Variants in SKOR2 observed in about 807,000 individuals in gnomAD.
The protein encoded by SKOR2 is SKI family transcriptional corepressor 2, also known as LBX1 corepressor 1-like protein.
SKOR2 carries 47 observed loss-of-function variants against 69.1 expected under a neutral mutation model. That is an observed-to-expected ratio of 0.68 (90% CI 0.54 to 0.87). The LOEUF (loss-of-function observed/expected upper bound fraction) is 0.87. Among genes scored for constraint, SKOR2 ranks in the 40% least tolerant of loss-of-function variants. SKOR2 has a pLI of 0.00. For synonymous variants in SKOR2, 717 were observed against 672.6 expected, an observed-to-expected ratio of 1.07 and a Z score of -1.02; for missense variants, 1,404 against 1,472.2, an observed-to-expected ratio of 0.95 and a Z score of 0.76.
intron 6 of SKOR2, among the ~76,000 whole-genome samples, chr18:47,221,766 C>T (rs2064162203): frequency 6.6e-6 from 1 of 152,166 alleles, no homozygotes; most frequent in African/African-American, 2.4e-5. Context: ...ATCTGTCTCC[C>T]TGCTAAACAG....
In SKOR2 at chr18:47,249,963, T is replaced by G. The variant is rs114126690; in HGVS notation, c.-47-733A>C. 7.3e-3 allele frequency among the ~76,000 whole-genome samples: 1,105 copies of G among 152,324 alleles called. 10 individuals are homozygous for G. Among genetic ancestry groups the G allele is most frequent in the African/African-American group, 0.025 (1,060 of 41,572 alleles). ...ACTGAGTGGTTCTGGTCTCAGATGG[T>G]TAGGTAGCTTAAAAACATGAAGTTG... On this transcript the variant is annotated intron_variant, in intron 1 of 8. Coordinates refer to ENST00000425639, the MANE Select transcript of SKOR2 (RefSeq NM_001278063.4).
chr18:47,238,668 T>A (rs773008379), intron 4 of SKOR2, among the ~76,000 whole-genome samples: 1 of 152,308 alleles, frequency 6.6e-6, no homozygotes, highest in South Asian at 2.1e-4. Flanking sequence ...TGTCTATACA[T>A]GAGATACACA....
intron 7 of SKOR2, 57 bp from the exon 8 acceptor site, chr18:47,212,208 G>A (rs970036904): frequency 8.2e-7 from 1 of 1,221,260 alleles, no homozygotes; most frequent in Non-Finnish European, 1.0e-6. Context: ...AGACAGATAT[G>A]TAATGGAGAC....
chr18:47,234,997 A>C (rs1191381808), intron 4 of SKOR2, among the ~76,000 whole-genome samples: 1 of 152,162 alleles, frequency 6.6e-6, no homozygotes, highest in African/African-American at 2.4e-5. Context: ...ACTGTAGAAA[A>C]AAACTGGTTT....
At chr18:47,230,675 C>A in intron 5 of SKOR2, 118 bp from the exon 6 acceptor site, 1 of 694,672 alleles carries the variant, frequency 1.4e-6, no homozygotes, top group South Asian at 2.9e-5. Context: ...AAAAGTGTTG[C>A]ATAGACATAG....
chr18:47,225,384 T>A (rs2064175103), intron 6 of SKOR2, among the ~76,000 whole-genome samples: 1 of 152,228 alleles, frequency 6.6e-6, no homozygotes, highest in African/African-American at 2.4e-5. Context: ...CTCACCTTTA[T>A]ACAAGTCTTC....
intron 8 of SKOR2, among the ~76,000 whole-genome samples, chr18:47,207,187 C>G (rs1348575136): frequency 6.6e-6 from 1 of 152,118 alleles, no homozygotes; most frequent in Non-Finnish European, 1.5e-5. Flanking sequence ...ATTTCATGCT[C>G]TGGTGCTCTG....
chr18:47,247,873 C>A lies in SKOR2; in HGVS notation c.1311G>T (p.Ala437=), dbSNP rs1472361247. 76 of 1,359,670 alleles carry A rather than the reference C, an allele frequency of 5.6e-5. No individual in the cohort carries two copies. Among genetic ancestry groups the A allele is most frequent in the Non-Finnish European group, 6.3e-5 (67 of 1,066,132 alleles). 84.2% of individuals were successfully genotyped at this position (1,359,670 alleles called of 1,614,324 possible). ...GCGCCGCGCCCGCGCCGCCTGCGCC[C>A]GCGCCCCCCAGGGCCTCAGCGGCGG... ...AGAAAEALGG[A]GAGGAGAAPK... Residue 437 remains alanine, a synonymous_variant, in exon 2 of 9, where the codon GCG becomes GCT. Transcript: ENST00000425639. This position sits in a 1 kb window ranked among gnomAD's most constrained non-coding sequence, Gnocchi z 6.6.
intron 1 of SKOR2, among the ~76,000 whole-genome samples, 177 bp downstream of exon 1, chr18:47,251,197 C>A (rs893756124): frequency 6.6e-6 from 1 of 152,124 alleles, no homozygotes; most frequent in African/African-American, 2.4e-5. Context: ...CTTCCCTATC[C>A]TGCCCAACAG....
intron 8 of SKOR2, among the ~76,000 whole-genome samples, chr18:47,211,562 C>A (rs1002076482): frequency 8.5e-5 from 13 of 152,130 alleles, no homozygotes; most frequent in Non-Finnish European, 1.8e-4. Flanking sequence ...GACCTTGAAT[C>A]TGGCTTCAGC....
chr18:47,250,996 T>C (rs2064309991), intron 1 of SKOR2, among the ~76,000 whole-genome samples: 1 of 152,028 alleles, frequency 6.6e-6, no homozygotes, highest in African/African-American at 2.4e-5. Context: ...AAGCTGGCTC[T>C]GCGTTAAGGA....
At chr18:47,251,133 G>T (rs1444077477) in intron 1 of SKOR2, among the ~76,000 whole-genome samples, 1 of 145,128 alleles carries the variant, frequency 6.9e-6, no homozygotes, top group African/African-American at 2.5e-5. Context: ...GGTGGGTGGG[G>T]AGGGGAGAAG....
At chr18:47,223,840 G>C (rs761431984) in intron 6 of SKOR2, among the ~76,000 whole-genome samples, 1 of 151,100 alleles carries the variant, frequency 6.6e-6, no homozygotes, top group South Asian at 2.1e-4. Context: ...GATGTGTATA[G>C]CTTTTGAGAT....
Position 47,251,624 on chromosome 18 carries a change from G to A in SKOR2, c.-298C>T, listed in dbSNP as rs1050786074. On this transcript the variant is annotated 5_prime_UTR_variant, in exon 1 of 9. Transcript: ENST00000425639. ...GTACGCAGAAACCCGCGGCAGGAGA[G>A]CCCCAAGTGGAGCGCAGTCTGACAG... The A allele has an allele frequency of 2.6e-5, 4 of 152,184 alleles. No individual in the cohort carries two copies. Among genetic ancestry groups the A allele is most frequent in the Non-Finnish European group, 4.4e-5 (3 of 68,058 alleles). 9.4% of individuals were successfully genotyped at this position (152,184 alleles called of 1,614,324 possible).
chr18:47,242,422 T>G (rs886780300), intron 4 of SKOR2, among the ~76,000 whole-genome samples: 2 of 152,184 alleles, frequency 1.3e-5, no homozygotes, highest in Non-Finnish European at 2.9e-5. Flanking sequence ...TGTTAGCTGT[T>G]AAATGCAGTG....
intron 6 of SKOR2, among the ~76,000 whole-genome samples, chr18:47,226,275 C>A (rs2064178304): frequency 6.6e-6 from 1 of 152,178 alleles, no homozygotes; most frequent in South Asian, 2.1e-4. Context: ...AATGCAGTGG[C>A]AAACATAACT....
At chr18:47,237,898 G>T (rs1375553737) in intron 4 of SKOR2, among the ~76,000 whole-genome samples, 1 of 151,944 alleles carries the variant, frequency 6.6e-6, no homozygotes, top group Non-Finnish European at 1.5e-5. Flanking sequence ...GTCTGGTCTC[G>T]AACTCCTGGG....
In SKOR2 at chr18:47,247,867, T is replaced by G. The variant is rs1218156711; in HGVS notation, c.1317A>C (p.Ala439=). Reference sequence around the variant, plus strand: ...CCTTGGGCGCCGCGCCCGCGCCGCCTGCGCCCGCGCCCCCCAGGGCCTCAG... The same window carrying G: ...CCTTGGGCGCCGCGCCCGCGCCGCCGGCGCCCGCGCCCCCCAGGGCCTCAG... ...AAAEALGGAG[A]GGAGAAPKAG... Residue 439 remains alanine, a synonymous_variant, in exon 2 of 9, where the codon GCA becomes GCC. Transcript: ENST00000425639. The surrounding 1 kb of genome is among the most constrained non-coding windows in gnomAD (Gnocchi z 6.6). The G allele has an allele frequency of 1.2e-5, 16 of 1,357,008 alleles. No homozygotes were observed. In the East Asian group the frequency reaches 4.7e-4, roughly 40 times the overall value. 84.1% of individuals were successfully genotyped at this position (1,357,008 alleles called of 1,614,324 possible). A position where few individuals can be genotyped will look rare whatever the true frequency, so the allele number is the denominator to read the frequency against.
At chr18:47,228,176 TCC>T (rs2064185369) in intron 6 of SKOR2, among the ~76,000 whole-genome samples, 1 of 152,254 alleles carries the variant, frequency 6.6e-6, no homozygotes, top group African/African-American at 2.4e-5. Flanking sequence ...GCTATTTTCA[TCC>T]GTGTGAAATT....
Sources: gnomAD v4.1 joint callset for allele counts (sites outside exome capture counted in the v4.1 genomes callset) on GRCh38, gnomAD v4.1.1 for gene constraint, Gnocchi (gnomAD v3.1) non-coding constraint, MANE v1.5 for transcripts, NCBI Gene and HGNC (gene_info 2026-07-23, HGNC 2026-07-21) for gene names.